Variants in HSF2 observed in about 807,000 individuals in gnomAD.
The protein encoded by HSF2 is heat shock factor protein 2.
In HSF2, 21 loss-of-function variants were observed where a neutral mutation model predicts 65.0. That is an observed-to-expected ratio of 0.32 (90% CI 0.23 to 0.47). The LOEUF (loss-of-function observed/expected upper bound fraction) is 0.47. HSF2 is among the 20% of genes least tolerant of loss of function. HSF2 has a pLI of 1.00. For synonymous variants in HSF2, 225 were observed against 219.1 expected (o/e 1.03, Z -0.24); for missense variants, 499 against 628.1 (o/e 0.79, Z 2.20).
At chr6:122,402,115 T>C (rs1300341439) in intron 1 of HSF2, among the ~76,000 whole-genome samples, 2 of 152,256 alleles carry the variant, frequency 1.3e-5, no homozygotes, top group Non-Finnish European at 1.5e-5. Flanking sequence ...AGACAATTCT[T>C]CTTCCAGTGT....
At position 122,399,806 on chromosome 6, in the gene HSF2, T is replaced by A. The variant is rs774883299; in HGVS notation, c.69T>A (p.Thr23=). Residue 23 remains threonine (T), a synonymous_variant, in exon 1 of 13, where the codon ACT becomes ACA. Transcript: ENST00000368455. The stretch of plus-strand genomic sequence containing the variant: ...GGACGCTTGTGGAGGAAACCCACAC[T>A]AACGAGTTCATCACCTGGAGCCAGG... ...KLWTLVEETH[T]NEFITWSQNG... 6.2e-7 allele frequency: 1 copy of A among 1,611,680 alleles called. No homozygotes were observed. Among genetic ancestry groups the A allele is most frequent in the Non-Finnish European group, 8.5e-7 (1 of 1,179,008 alleles).
chr6:122,425,561 T>C (rs991311681), intron 10 of HSF2, among the ~76,000 whole-genome samples: 2 of 152,074 alleles, frequency 1.3e-5, no homozygotes, highest in Admixed American at 6.6e-5. Context: ...ATTAACACTA[T>C]TATTAACATT....
intron 3 of HSF2, 120 bp from the exon 4 acceptor site, chr6:122,413,405 T>A (rs917224104): frequency 1.9e-5 from 13 of 674,266 alleles, no homozygotes; most frequent in Admixed American, 1.2e-4. Flanking sequence ...CATCCCGGGC[T>A]TTTGGAACCA....
chr6:122,422,846 G>A lies in HSF2; in HGVS notation c.959G>A (p.Ser320Asn), dbSNP rs372249082. 2.0e-5 allele frequency: 32 copies of A among 1,613,610 alleles called. No homozygotes were observed. In the African/African-American group the frequency reaches 4.0e-4, roughly 20 times the overall value. The change falls in exon 9 of 13, where the codon AGC (serine) becomes AAC (asparagine). Residue 320 changes from serine to asparagine, a missense_variant. Around this residue, in one of 2 missense-constraint regions of HSF2, gnomAD observed 349 missense variants for 393.5 expected, o/e 0.89. Coordinates refer to ENST00000368455, the MANE Select transcript of HSF2 (RefSeq NM_004506.4). ...ESLSSGSDGS[S>N]PLMSSAVQLN... ...CTAAGTTCAGGCAGTGATGGCAGCA[G>A]CCCTCTCATGTCTAGTGCTGTCCAG...
At position 122,413,502 on chromosome 6, in the gene HSF2, TTTCTA is replaced by T. The variant is rs1425757542; in HGVS notation, c.331-22_331-18del. The T allele has an allele frequency of 6.5e-7, 1 of 1,526,786 alleles. No individual in the cohort carries two copies. Among genetic ancestry groups the T allele is most frequent in the Non-Finnish European group, 9.0e-7 (1 of 1,113,234 alleles). 94.6% of individuals were successfully genotyped at this position (1,526,786 alleles called of 1,614,324 possible). ...CATGGGTGTTTACTGTTTCTTTGAT[TTTCTA>T]AATTTACTTTTTCAAAGGTTTCATC... On this transcript the variant is annotated intron_variant, in intron 3 of 12. Coordinates refer to ENST00000368455, the MANE Select transcript of HSF2 (RefSeq NM_004506.4).
At chr6:122,410,281 C>T (rs1357615405) in intron 1 of HSF2, among the ~76,000 whole-genome samples, 1 of 151,728 alleles carries the variant, frequency 6.6e-6, no homozygotes, top group African/African-American at 2.4e-5. Flanking sequence ...TACAATACTG[C>T]ATTTGTCTTC....
At chr6:122,426,547 A>T (rs1774342325) in intron 10 of HSF2, among the ~76,000 whole-genome samples, 1 of 152,044 alleles carries the variant, frequency 6.6e-6, no homozygotes, top group African/African-American at 2.4e-5. Flanking sequence ...GCAGAGATTG[A>T]TTATTATGAG....
At chr6:122,416,349 G>C in intron 5 of HSF2, 53 bp downstream of exon 5, 1 of 1,193,502 alleles carries the variant, frequency 8.4e-7, no homozygotes, top group African/African-American at 1.5e-5. Flanking sequence ...AATGAGTACT[G>C]TTTGTGACCC....
intron 1 of HSF2, among the ~76,000 whole-genome samples, chr6:122,406,548 A>G (rs542855933): frequency 1.2e-4 from 18 of 152,332 alleles, no homozygotes; most frequent in African/African-American, 4.3e-4. Context: ...TTGATGGCTG[A>G]GACTAAGGTA....
chr6:122,424,966 C>G lies in HSF2; in HGVS notation c.1176+1280C>G, dbSNP rs1427138960. Among the ~76,000 whole-genome samples the G allele has an allele frequency of 9.9e-5, 15 of 152,034 alleles. No homozygotes were observed. The South Asian group carries it at 3.1e-3, about 31-fold the overall frequency. ...CCCCTTATTCACAGAGGATAATTAA[C>G]TATACTCTCATTCTCTCATAAGTAA... On this transcript the variant is annotated intron_variant, in intron 10 of 12. Transcript: ENST00000368455.
At chr6:122,426,620 A>G (rs561912826) in intron 10 of HSF2, among the ~76,000 whole-genome samples, 1 of 152,196 alleles carries the variant, frequency 6.6e-6, no homozygotes, top group South Asian at 2.1e-4. Flanking sequence ...TTGGTAAGAA[A>G]GGAGAAGGAA....
chr6:122,422,024 AAC>A, intron 7 of HSF2, 124 bp from the exon 8 acceptor site: 1 of 645,978 alleles, frequency 1.5e-6, no homozygotes. Flanking sequence ...AAGAGCAGAG[AAC>A]ACACCTGTTT....
At position 122,412,381 on chromosome 6, in the gene HSF2, A is replaced by G. The variant is rs139599852; in HGVS notation, c.102A>G (p.Gln34=). Residue 34 remains glutamine (Q), a synonymous_variant, in exon 2 of 13, where the codon CAA becomes CAG. Transcript: ENST00000368455. The part of the protein sequence containing the change: ...NEFITWSQNG[Q]SFLVLDEQRF... ...TTTTTTTCCCCTTGCAGAATGGCCA[A>G]AGTTTTCTGGTCTTGGATGAGCAAC... 4.9e-4 allele frequency: 792 copies of G among 1,607,316 alleles called. 2 individuals carry two copies. Among genetic ancestry groups the G allele is most frequent in the African/African-American group, 4.4e-3 (332 of 74,832 alleles).
chr6:122,411,095 T>A (rs45606434), intron 1 of HSF2, among the ~76,000 whole-genome samples: 14,307 of 151,776 alleles, frequency 0.094, 768 homozygotes, highest in South Asian at 0.15. Flanking sequence ...AATATTCCAA[T>A]TTCTCCACTT....
chr6:122,404,206 A>T (rs985928793), intron 1 of HSF2, among the ~76,000 whole-genome samples: 11 of 152,086 alleles, frequency 7.2e-5, no homozygotes, highest in South Asian at 6.2e-4. Context: ...CAAAAACAGA[A>T]TTTTTCCATT....
intron 1 of HSF2, among the ~76,000 whole-genome samples, chr6:122,410,643 T>A (rs189036318): frequency 2.0e-4 from 31 of 152,060 alleles, no homozygotes; most frequent in Non-Finnish European, 2.9e-5. Flanking sequence ...TATGGAAACT[T>A]CATATAAGGG....
chr6:122,418,029 TTTTTG>T (rs1200083510), intron 5 of HSF2, among the ~76,000 whole-genome samples: 2 of 152,172 alleles, frequency 1.3e-5, no homozygotes, highest in African/African-American at 2.4e-5. Flanking sequence ...TTAGTAGCCT[TTTTTG>T]TAAGGAAATG....
chr6:122,415,296 T>C (rs538590799), intron 4 of HSF2, among the ~76,000 whole-genome samples: 141 of 152,300 alleles, frequency 9.3e-4, no homozygotes, highest in African/African-American at 3.2e-3. Context: ...CTTAAGATAG[T>C]TTTAGAATCT....
chr6:122,423,018 C>G lies in HSF2; in HGVS notation c.1070+61C>G, dbSNP rs553861768. On this transcript the variant is annotated intron_variant, in intron 9 of 12. Coordinates refer to ENST00000368455, the MANE Select transcript of HSF2 (RefSeq NM_004506.4). Reference sequence around the variant, plus strand: ...GCTTTCTTTGTTCACTTCACATGTTCTGTTTCTCTTTGAGTAATCTTCCTT... The same window carrying G: ...GCTTTCTTTGTTCACTTCACATGTTGTGTTTCTCTTTGAGTAATCTTCCTT... 4.5e-6 allele frequency: 7 copies of G among 1,571,114 alleles called. No homozygotes were observed. The African/African-American group carries it at 9.5e-5, about 21-fold the overall frequency.
Sources: gnomAD v4.1 joint callset for allele counts (sites outside exome capture counted in the v4.1 genomes callset) on GRCh38, gnomAD v4.1.1 for gene constraint, gnomAD v4.1.1 regional missense constraint, MANE v1.5 for transcripts, NCBI Gene and HGNC (gene_info 2026-07-23, HGNC 2026-07-21) for gene names.